Variants in STK3 observed in about 807,000 individuals in gnomAD.
STK3 encodes the protein serine/threonine kinase 3.
Under a neutral mutation model 58.0 loss-of-function variants are expected in STK3, and 41 were observed. That is an observed-to-expected ratio of 0.71 (90% CI 0.55 to 0.92). The LOEUF (loss-of-function observed/expected upper bound fraction) is 0.92. Ranked by LOEUF, STK3 falls within the 40% of genes least tolerant of loss-of-function variation. The pLI is 0.00. For synonymous variants in STK3, 170 were observed against 191.0 expected (o/e 0.89, Z 0.91); for missense variants, 479 against 602.7 (o/e 0.79, Z 2.15).
At chr8:98,910,778 T>G (rs1348168805) in intron 1 of STK3, among the ~76,000 whole-genome samples, 1 of 152,204 alleles carries the variant, frequency 6.6e-6, no homozygotes, top group African/African-American at 2.4e-5. Flanking sequence ...AATATCCTTC[T>G]TCAACTTAGA....
At chr8:98,879,817 A>G (rs1564079226), downstream of STK3, 1 of 152,228 alleles carries the variant, frequency 6.6e-6, no homozygotes, top group African/African-American at 2.4e-5. Flanking sequence ...TTAAATCAAT[A>G]ACATGATAAT....
intron 10 of STK3, among the ~76,000 whole-genome samples, chr8:98,465,959 A>T (rs1370072486): frequency 4.6e-5 from 7 of 152,204 alleles, no homozygotes; most frequent in African/African-American, 1.7e-4. Flanking sequence ...CACTTCTGAT[A>T]TATTGTAAGC....
At chr8:98,404,012 G>C (rs4236850) in intron 3 of STK3, among the ~76,000 whole-genome samples, 141,708 of 152,310 alleles carry the variant, frequency 0.93, 66,036 homozygotes, top group Admixed American at 0.96. Context: ...TGGGTGGCAG[G>C]TCAAACCCCC....
intron 1 of STK3, chr8:98,904,945 C>CAGA (rs1459003361): frequency 4.2e-6 from 3 of 711,666 alleles, no homozygotes; most frequent in Non-Finnish European, 8.0e-6. Context: ...TAGTTACATG[C>CAGA]AGAAGCTGCT....
intron 1 of STK3, among the ~76,000 whole-genome samples, chr8:98,801,915 CAATTCCAGCACTT>C (rs1457280053): frequency 6.6e-6 from 1 of 152,146 alleles, no homozygotes; most frequent in African/African-American, 2.4e-5. Flanking sequence ...CTCATACCTG[CAATTCCAGCACTT>C]TGGAAGGTCG....
At chr8:98,497,093 A>C (rs1175627338) in intron 10 of STK3, among the ~76,000 whole-genome samples, 1 of 152,196 alleles carries the variant, frequency 6.6e-6, no homozygotes, top group Non-Finnish European at 1.5e-5. Context: ...TAGTGGCATG[A>C]AGATAGACAT....
intron 1 of STK3, among the ~76,000 whole-genome samples, chr8:98,934,211 G>A (rs955454727): frequency 1.3e-5 from 2 of 152,224 alleles, no homozygotes; most frequent in Non-Finnish European, 2.9e-5. Flanking sequence ...CCACTAGTAT[G>A]TACTGTTTTG....
At chr8:98,412,274 T>C (rs1246662937) in intron 3 of STK3, among the ~76,000 whole-genome samples, 1 of 152,208 alleles carries the variant, frequency 6.6e-6, no homozygotes, top group Non-Finnish European at 1.5e-5. Flanking sequence ...AGTGAGGTGG[T>C]TGGCCACTAG....
chr8:98,867,129 G>A (rs369462048), intron 3 of STK3, among the ~76,000 whole-genome samples: 53 of 152,304 alleles, frequency 3.5e-4, no homozygotes, highest in African/African-American at 1.3e-3. Flanking sequence ...TTAAAATGGG[G>A]AAACTGGCCT....
chr8:98,587,369 C>T (rs1479206628), intron 7 of STK3, among the ~76,000 whole-genome samples: 2 of 152,010 alleles, frequency 1.3e-5, no homozygotes, highest in Admixed American at 1.3e-4. Flanking sequence ...AGTAGTCATT[C>T]AGGAGCAGGT....
chr8:98,806,718 T>C (rs1833903819), intron 1 of STK3, among the ~76,000 whole-genome samples: 1 of 152,094 alleles, frequency 6.6e-6, no homozygotes, highest in African/African-American at 2.4e-5. Flanking sequence ...AGATAATCTA[T>C]GTACTTCTCT....
intron 3 of STK3, chr8:98,427,246 C>A (rs888298701): frequency 2.6e-5 from 4 of 151,262 alleles, no homozygotes; most frequent in African/African-American, 4.8e-5. Context: ...GCACCGCCAG[C>A]AGGCAGCGGC....
rs147740707 is a variant in STK3, at chr8:98,655,982, T to C, written c.684+50485A>G. Among the ~76,000 whole-genome samples, 49 of 152,334 alleles carry C rather than the reference T, an allele frequency of 3.2e-4. No individual in the cohort carries two copies. The East Asian group carries it at 9.5e-3, about 29-fold the overall frequency. ...ACCATTGACCCAGCTATCCCATTACTGGGTATATACCCAAAGGACTATAAA... is the reference window on the plus strand; with the variant it reads ...ACCATTGACCCAGCTATCCCATTACCGGGTATATACCCAAAGGACTATAAA... On this transcript the variant is annotated intron_variant, in intron 6 of 10. Transcript: ENST00000419617.
rs193191230 is a variant in STK3 at position 98,384,266 on chromosome 8, G to A, written n.56+3926C>T. 3.9e-5 allele frequency among the ~76,000 whole-genome samples: 6 copies of A among 152,232 alleles called. No homozygotes were observed. The East Asian group carries it at 1.2e-3, about 29-fold the overall frequency. ...TGGAGGCTTCTAAAGGACACCTAGG[G>A]GTGTAACCAAATTCTTTTAGCCTAA... On this transcript the variant is annotated intron_variant and non_coding_transcript_variant, in intron 1 of 2. Transcript: ENST00000518704.
intron 1 of STK3, among the ~76,000 whole-genome samples, chr8:98,925,261 T>C (rs1386151830): frequency 1.3e-5 from 2 of 152,244 alleles, no homozygotes; most frequent in Non-Finnish European, 2.9e-5. Flanking sequence ...TTCTGATTTT[T>C]CTGCCTGGCT....
At chr8:98,569,715 CTA>C (rs555600157) in intron 8 of STK3, among the ~76,000 whole-genome samples, 1 of 151,850 alleles carries the variant, frequency 6.6e-6, no homozygotes, top group South Asian at 2.1e-4. Context: ...ACAGTTATAA[CTA>C]TATAAGAATT....
At chr8:98,849,035 G>A (rs1326258598) in intron 3 of STK3, among the ~76,000 whole-genome samples, 1 of 151,958 alleles carries the variant, frequency 6.6e-6, no homozygotes, top group Non-Finnish European at 1.5e-5. Flanking sequence ...GACCATCCTG[G>A]CTAACACGGT....
chr8:98,405,617 C>G (rs1817986287), intron 3 of STK3, among the ~76,000 whole-genome samples: 1 of 152,138 alleles, frequency 6.6e-6, no homozygotes, highest in Non-Finnish European at 1.5e-5. Context: ...GATGCCTCTC[C>G]TGAAATGGTG....
At chr8:98,905,103 G>A in intron 1 of STK3, 1 of 1,429,672 alleles carries the variant, frequency 7.0e-7, no homozygotes, top group Non-Finnish European at 9.8e-7. Context: ...ACACTGCTCA[G>A]TAAAGTCTGC....
Sources: allele counts gnomAD v4.1 joint callset (sites outside exome capture counted in the v4.1 genomes callset), GRCh38; gene constraint gnomAD v4.1.1; transcripts MANE v1.5; gene names NCBI Gene and HGNC (gene_info 2026-07-23, HGNC 2026-07-21).